RHPN2: variants seen among roughly 807,000 people sequenced by gnomAD.
RHPN2 encodes the protein rhophilin Rho GTPase binding protein 2, also known as rhophilin-2.
RHPN2 carries 40 observed loss-of-function variants against 79.0 expected under a neutral mutation model. The ratio of observed to expected loss-of-function variants is 0.51; its 90% CI spans 0.39 to 0.66. RHPN2 has a LOEUF of 0.66. RHPN2 is among the 30% of genes least tolerant of loss of function. The pLI, the probability that RHPN2 is intolerant of heterozygous loss-of-function variation, is 0.00. For synonymous variants in RHPN2, 285 were observed against 363.5 expected (o/e 0.78, Z 2.46); for missense variants, 686 against 883.5 (o/e 0.78, Z 2.83).
In RHPN2 at chr19:32,979,956, C is replaced by T. The variant is rs964366651; in HGVS notation, c.*40G>A. On this transcript the variant is annotated 3_prime_UTR_variant, in exon 15 of 15. Coordinates refer to ENST00000254260, the MANE Select transcript of RHPN2 (RefSeq NM_033103.5). ...ACAAACGTTTAAGGCCGAGTCAGCA[C>T]CGGAAATGTTCAGGGCCTGAACATG... 6.2e-7 allele frequency: 1 copy of T among 1,611,736 alleles called. No homozygotes were observed. Among genetic ancestry groups the T allele is most frequent in the African/African-American group, 1.3e-5 (1 of 74,930 alleles).
chr19:33,021,167 T>C (rs1384115555), intron 4 of RHPN2, among the ~76,000 whole-genome samples: 1 of 152,160 alleles, frequency 6.6e-6, no homozygotes, highest in Non-Finnish European at 1.5e-5. Flanking sequence ...GTTTCCAACC[T>C]GCCTTGTCCA....
intron 6 of RHPN2, 72 bp from the exon 7 acceptor site, chr19:33,008,252 T>C: frequency 2.0e-6 from 2 of 997,450 alleles, no homozygotes; most frequent in Non-Finnish European, 2.8e-6. Flanking sequence ...AAAAAATTCT[T>C]TTTTTTTTTT....
Position 32,979,912 on chromosome 19 carries a change from A to G in RHPN2, c.*84T>C. 6.8e-7 allele frequency: 1 copy of G among 1,472,122 alleles called. No individual in the cohort carries two copies. Among genetic ancestry groups the G allele is most frequent in the Non-Finnish European group, 9.5e-7 (1 of 1,052,568 alleles). The allele number at this position is 1,472,122 out of a possible 1,614,324, so 91.2% of individuals were successfully genotyped here. A position where few individuals can be genotyped will look rare whatever the true frequency, so the allele number is the denominator to read the frequency against. ...AAACAGGATTTGAGAACAGATAGAT[A>G]GATATTTTCCATTATGGCACAAACG... On this transcript the variant is annotated 3_prime_UTR_variant, in exon 15 of 15. Transcript: ENST00000254260.
intron 2 of RHPN2, among the ~76,000 whole-genome samples, chr19:33,035,164 A>G (rs1293875357): frequency 2.0e-5 from 3 of 151,728 alleles, no homozygotes; most frequent in African/African-American, 7.3e-5. Flanking sequence ...ATGGGGTTTC[A>G]CCCTGTAGGC....
intron 1 of RHPN2, chr19:33,051,704 CA>C: frequency 5.0e-6 from 1 of 201,568 alleles, no homozygotes. Context: ...AAGTTTCTTA[CA>C]AAGTGAGAAA....
intron 2 of RHPN2, among the ~76,000 whole-genome samples, chr19:33,040,823 A>G (rs1972094929): frequency 6.6e-6 from 1 of 152,008 alleles, no homozygotes; most frequent in Non-Finnish European, 1.5e-5. Flanking sequence ...GCATGGTGGC[A>G]CATGCCTATA....
At chr19:32,989,290 A>C (rs1441405245) in intron 14 of RHPN2, among the ~76,000 whole-genome samples, 1 of 152,078 alleles carries the variant, frequency 6.6e-6, no homozygotes, top group Admixed American at 6.6e-5. Flanking sequence ...TTATATTTTC[A>C]GTAGAGACAG....
chr19:33,005,797 T>A (rs1971786095), intron 7 of RHPN2, among the ~76,000 whole-genome samples: 1 of 152,056 alleles, frequency 6.6e-6, no homozygotes, highest in Non-Finnish European at 1.5e-5. Flanking sequence ...CTCAGAAAGA[T>A]GAGTCCAGAA....
chr19:32,990,851 G>A (rs1435548715), intron 13 of RHPN2, 182 bp from the exon 14 acceptor site: 9 of 620,128 alleles, frequency 1.5e-5, no homozygotes, highest in African/African-American at 3.6e-5. Context: ...ACAACACGGT[G>A]AAACCCATCT....
At chr19:33,046,169 G>A (rs185329803) in intron 1 of RHPN2, among the ~76,000 whole-genome samples, 18 of 152,244 alleles carry the variant, frequency 1.2e-4, no homozygotes, top group Non-Finnish European at 2.4e-4. Flanking sequence ...GTTTATGTGC[G>A]TACAAGGTTT....
intron 14 of RHPN2, among the ~76,000 whole-genome samples, chr19:32,981,790 C>T (rs1309873652): frequency 4.1e-5 from 6 of 145,194 alleles, no homozygotes; most frequent in African/African-American, 1.3e-4. Context: ...GTGTAGAGTT[C>T]GGTGGCATTA....
At chr19:33,028,500 G>C (rs1971985196) in intron 2 of RHPN2, among the ~76,000 whole-genome samples, 1 of 152,104 alleles carries the variant, frequency 6.6e-6, no homozygotes, top group Non-Finnish European at 1.5e-5. Context: ...TTAAAATTGA[G>C]AAAACCATTC....
intron 4 of RHPN2, among the ~76,000 whole-genome samples, chr19:33,017,434 T>C (rs1971886976): frequency 6.6e-6 from 1 of 152,102 alleles, no homozygotes; most frequent in Non-Finnish European, 1.5e-5. Flanking sequence ...AATTAAATCG[T>C]AAAGAAACTT....
intron 2 of RHPN2, among the ~76,000 whole-genome samples, chr19:33,037,442 C>T (rs1417314103): frequency 6.6e-6 from 1 of 152,230 alleles, no homozygotes; most frequent in East Asian, 1.9e-4. Flanking sequence ...GCAACCTGCT[C>T]TGGTCCCTTT....
At chr19:33,023,517 GT>G (rs1292175207) in intron 3 of RHPN2, among the ~76,000 whole-genome samples, 1 of 151,854 alleles carries the variant, frequency 6.6e-6, no homozygotes, top group Admixed American at 6.6e-5. Context: ...GCCAGGCATG[GT>G]GGCTCACACC....
intron 14 of RHPN2, among the ~76,000 whole-genome samples, chr19:32,981,200 T>C (rs930405718): frequency 1.3e-5 from 2 of 151,968 alleles, no homozygotes; most frequent in East Asian, 1.9e-4. Context: ...TATTTTAAGG[T>C]TCTTCTTCTA....
intron 2 of RHPN2, among the ~76,000 whole-genome samples, chr19:33,043,359 T>G (rs969398169): frequency 9.2e-5 from 14 of 151,646 alleles, no homozygotes; most frequent in African/African-American, 3.4e-4. Flanking sequence ...AAGACCAGGC[T>G]GGCCAACATG....
intron 1 of RHPN2, among the ~76,000 whole-genome samples, chr19:33,057,856 C>T (rs1184324589): frequency 2.0e-5 from 3 of 151,728 alleles, no homozygotes; most frequent in African/African-American, 7.3e-5. Context: ...TCCAAAAAGA[C>T]CAATTAACAA....
At chr19:33,007,534 G>A (rs901313982) in intron 7 of RHPN2, among the ~76,000 whole-genome samples, 5 of 150,870 alleles carry the variant, frequency 3.3e-5, no homozygotes, top group African/African-American at 7.3e-5. Context: ...ATAAAGGCAC[G>A]GAGAGTAATA....
Sources: gnomAD v4.1 joint callset for allele counts (sites outside exome capture counted in the v4.1 genomes callset) on GRCh38, gnomAD v4.1.1 for gene constraint, MANE v1.5 for transcripts, NCBI Gene and HGNC (gene_info 2026-07-23, HGNC 2026-07-21) for gene names.